Variants in RASA1 observed in about 807,000 individuals in gnomAD.
RASA1 encodes the protein RAS p21 protein activator 1, also known as ras GTPase-activating protein 1.
A neutral mutation model predicts 132.2 loss-of-function variants in RASA1; 25 were observed. The observed-to-expected ratio is 0.19, with a 90% CI of 0.14 to 0.26. The LOEUF (loss-of-function observed/expected upper bound fraction) is 0.26. Ranked by LOEUF, RASA1 falls within the 10% of genes least tolerant of loss-of-function variation. The pLI, the probability that RASA1 is intolerant of heterozygous loss-of-function variation, is 1.00. For missense variants in RASA1, 964 were observed against 1,299.2 expected, an observed-to-expected ratio of 0.74 and a Z score of 3.97; for synonymous variants, 477 against 449.9, an observed-to-expected ratio of 1.06 and a Z score of -0.76.
intron 6 of RASA1, among the ~76,000 whole-genome samples, chr5:87,341,992 T>C (rs1336240263): frequency 6.6e-6 from 1 of 152,168 alleles, no homozygotes; most frequent in African/African-American, 2.4e-5. Flanking sequence ...TGTTTAATGC[T>C]TCACCCTTCT....
intron 1 of RASA1, among the ~76,000 whole-genome samples, chr5:87,295,593 C>T (rs1204488434): frequency 6.6e-6 from 1 of 152,032 alleles, no homozygotes; most frequent in Non-Finnish European, 1.5e-5. Context: ...ACTGCTCCAT[C>T]TCCCTGGCTC....
intron 22 of RASA1, among the ~76,000 whole-genome samples, chr5:87,385,682 T>C (rs986889157): frequency 2.0e-5 from 3 of 152,082 alleles, no homozygotes; most frequent in Non-Finnish European, 4.4e-5. Flanking sequence ...CAAAAAGTCA[T>C]TTAAAAATTT....
chr5:87,352,559 G>A (rs1199091061), intron 8 of RASA1, among the ~76,000 whole-genome samples: 1 of 151,240 alleles, frequency 6.6e-6, no homozygotes, highest in Non-Finnish European at 1.5e-5. Context: ...TTATTTTTTT[G>A]TAATATTTTC....
chr5:87,314,551 A>G (rs1756175304), intron 1 of RASA1, among the ~76,000 whole-genome samples: 1 of 152,218 alleles, frequency 6.6e-6, no homozygotes. Context: ...GAAATAGGTC[A>G]GAGATACTGA....
chr5:87,356,741 C>T (rs553606153), intron 9 of RASA1, among the ~76,000 whole-genome samples: 4 of 152,136 alleles, frequency 2.6e-5, no homozygotes, highest in Non-Finnish European at 4.4e-5. Context: ...TGCTATTACA[C>T]ACTTAGTAGA....
At chr5:87,290,025 T>A (rs1754846962) in intron 1 of RASA1, among the ~76,000 whole-genome samples, 1 of 152,222 alleles carries the variant, frequency 6.6e-6, no homozygotes, top group African/African-American at 2.4e-5. Context: ...AATAGTTGAC[T>A]CACTTGAGTT....
At chr5:87,328,141 T>C (rs1433001354) in intron 1 of RASA1, among the ~76,000 whole-genome samples, 1 of 152,220 alleles carries the variant, frequency 6.6e-6, no homozygotes, top group African/African-American at 2.4e-5. Flanking sequence ...TTAAAACTTA[T>C]TATTGCTATG....
chr5:87,320,875 A>G (rs572906366), intron 1 of RASA1, among the ~76,000 whole-genome samples: 104 of 152,382 alleles, frequency 6.8e-4, no homozygotes, highest in African/African-American at 2.5e-3. Flanking sequence ...AAAACAAGGT[A>G]GTATTTGTAG....
chr5:87,363,150 A>T (rs1760242862), intron 10 of RASA1, among the ~76,000 whole-genome samples, 198 bp from the exon 11 acceptor site: 2 of 152,004 alleles, frequency 1.3e-5, no homozygotes, highest in African/African-American at 2.4e-5. Flanking sequence ...TTACTCTGTG[A>T]TTAAAACAAG....
chr5:87,362,692 T>A (rs2112457533), intron 10 of RASA1, 21 bp downstream of exon 10: 1 of 1,598,892 alleles, frequency 6.3e-7, no homozygotes, highest in Non-Finnish European at 8.6e-7. Flanking sequence ...ACTTTTATCA[T>A]TAACCCATTT....
intron 1 of RASA1, among the ~76,000 whole-genome samples, chr5:87,279,341 T>C (rs181827382): frequency 7.2e-5 from 11 of 152,336 alleles, no homozygotes; most frequent in South Asian, 2.1e-4. Flanking sequence ...TATTTTGCCC[T>C]TTTTTCATTG....
intron 9 of RASA1, among the ~76,000 whole-genome samples, chr5:87,357,299 A>C (rs187370193): frequency 6.6e-6 from 1 of 152,180 alleles, no homozygotes; most frequent in Non-Finnish European, 1.5e-5. Flanking sequence ...TTTTTAGACC[A>C]TGGCTAGGAT....
chr5:87,302,809 T>C (rs1461738995), intron 1 of RASA1, among the ~76,000 whole-genome samples: 1 of 151,892 alleles, frequency 6.6e-6, no homozygotes, highest in Non-Finnish European at 1.5e-5. Context: ...ACATCCCAGA[T>C]TATTTCTGAC....
Position 87,338,251 on chromosome 5 carries a change from T to C in RASA1, c.1017+160T>C, listed in dbSNP as rs139262146. Among the ~76,000 whole-genome samples, 401 of 152,070 alleles carry C rather than the reference T, an allele frequency of 2.6e-3. 5 individuals carry two copies. The highest frequency in any genetic ancestry group is 8.1e-3 in the East Asian group (42 of 5,174). On this transcript the variant is annotated intron_variant, in intron 5 of 24. Transcript: ENST00000274376. ...AAGTGCTGTTTGTTAGTATGGAACA[T>C]AATCAGGCTAGCATATTATAATACA...
At chr5:87,369,937 A>G in intron 12 of RASA1, 37 bp downstream of exon 12, 1 of 1,489,444 alleles carries the variant, frequency 6.7e-7, no homozygotes, top group South Asian at 1.1e-5. Context: ...GTATACTTTT[A>G]TGTTAGCCCA....
At chr5:87,345,419 T>A (rs1235630202) in intron 6 of RASA1, among the ~76,000 whole-genome samples, 1 of 152,168 alleles carries the variant, frequency 6.6e-6, no homozygotes, top group African/African-American at 2.4e-5. Flanking sequence ...GTCATGTAGT[T>A]GACTGTCCTC....
chr5:87,334,100 A>G (rs917218108), intron 4 of RASA1, among the ~76,000 whole-genome samples: 6 of 152,164 alleles, frequency 3.9e-5, no homozygotes, highest in Non-Finnish European at 7.4e-5. Flanking sequence ...TCTAGAGGAG[A>G]TTTTTTTACG....
At position 87,267,908 on chromosome 5, in the gene RASA1, G is replaced by T; in HGVS notation, c.-544G>T. 1 of 392,786 alleles carries T rather than the reference G, an allele frequency of 2.5e-6. No homozygotes were observed. The highest frequency in any genetic ancestry group is 4.5e-6 in the Non-Finnish European group (1 of 223,322). The allele number at this position is 392,786 out of a possible 1,614,324, so 24.3% of individuals were successfully genotyped here. A position where few individuals can be genotyped will look rare whatever the true frequency, so the allele number is the denominator to read the frequency against. On this transcript the variant is annotated 5_prime_UTR_variant, in exon 1 of 25. Transcript: ENST00000274376. ...ACTCACTGAGAGCTCCAGGTAGTGA[G>T]CAGTTCAGTCGATTTCCTCGTTACC...
At chr5:87,349,485 C>A in intron 8 of RASA1, 121 bp downstream of exon 8, 1 of 1,164,020 alleles carries the variant, frequency 8.6e-7, no homozygotes, top group South Asian at 1.5e-5. Context: ...ATAAGACCTT[C>A]AATATAATTT....
Sources: allele counts gnomAD v4.1 joint callset (sites outside exome capture counted in the v4.1 genomes callset), GRCh38; gene constraint gnomAD v4.1.1; transcripts MANE v1.5; gene names NCBI Gene and HGNC (gene_info 2026-07-23, HGNC 2026-07-21).